The following LEKR1 variants were observed in gnomAD, a reference collection of about 807,000 sequenced individuals.
The protein encoded by LEKR1 is leucine, glutamate and lysine rich 1.
In LEKR1, 59 loss-of-function variants were observed where a neutral mutation model predicts 72.4. The ratio of observed to expected loss-of-function variants is 0.82; its 90% CI spans 0.66 to 1.01. The LOEUF is 1.01. Among genes scored for constraint, LEKR1 ranks in the 50% least tolerant of loss-of-function variants. The pLI, the probability that LEKR1 is intolerant of heterozygous loss-of-function variation, is 0.00. For missense variants in LEKR1, 728 were observed against 759.2 expected (o/e 0.96, Z 0.48); for synonymous variants, 257 against 263.2 (o/e 0.98, Z 0.23).
chr3:157,036,577 A>T (rs1327365800), intron 12 of LEKR1, among the ~76,000 whole-genome samples: 2 of 152,190 alleles, frequency 1.3e-5, no homozygotes, highest in African/African-American at 4.8e-5. Context: ...CTGTTAGAAG[A>T]TATATGACAG....
chr3:156,935,681 G>A (rs991333146), intron 5 of LEKR1, among the ~76,000 whole-genome samples: 6 of 152,128 alleles, frequency 3.9e-5, no homozygotes, highest in Non-Finnish European at 8.8e-5. Flanking sequence ...AAAGATGACC[G>A]GGAGCCTAAG....
chr3:156,972,439 C>T (rs1325466487), intron 6 of LEKR1, among the ~76,000 whole-genome samples: 1 of 152,090 alleles, frequency 6.6e-6, no homozygotes, highest in African/African-American at 2.4e-5. Context: ...CACATGTATA[C>T]ACATGTAACT....
chr3:156,904,327 C>T (rs1041304917), intron 3 of LEKR1, among the ~76,000 whole-genome samples: 1 of 151,118 alleles, frequency 6.6e-6, no homozygotes, highest in Non-Finnish European at 1.5e-5. Flanking sequence ...TAAAAGCTAT[C>T]TTATATCCCC....
intron 1 of LEKR1, chr3:156,827,145 G>A (rs1317361451): frequency 6.6e-6 from 1 of 152,202 alleles, no homozygotes; most frequent in African/African-American, 2.4e-5. Flanking sequence ...GATTTTCCCT[G>A]TTGCCAAAAG....
Position 157,015,814 on chromosome 3 carries a change from A to G in LEKR1, c.1203+4308A>G, listed in dbSNP as rs112327020. On this transcript the variant is annotated intron_variant, in intron 10 of 12. Transcript: ENST00000356539. ...AAAACAAATATGATAACTGTATTCC[A>G]TATACCCAGAAGCTAAAGAAAAAAT... Among the ~76,000 whole-genome samples, 217 of 152,256 alleles carry G rather than the reference A, an allele frequency of 1.4e-3. 1 individual carries two copies. Among genetic ancestry groups the G allele is most frequent in the African/African-American group, 5.0e-3 (209 of 41,568 alleles).
chr3:156,886,227 A>AGTG (rs1346324458), intron 3 of LEKR1, among the ~76,000 whole-genome samples: 2 of 152,048 alleles, frequency 1.3e-5, no homozygotes, highest in African/African-American at 2.4e-5. Context: ...TTGCCAGGGA[A>AGTG]GTGGGGGATA....
intron 2 of LEKR1, among the ~76,000 whole-genome samples, chr3:156,838,120 G>A (rs917421495): frequency 6.6e-6 from 1 of 152,200 alleles, no homozygotes; most frequent in African/African-American, 2.4e-5. Context: ...GTTGGCCCGT[G>A]TTGTCTTTGA....
intron 7 of LEKR1, chr3:156,979,629 C>G (rs1329343593): frequency 6.3e-6 from 1 of 158,348 alleles, no homozygotes; most frequent in Non-Finnish European, 1.4e-5. Context: ...TCTTTATTAT[C>G]TCTCCACAAG....
At chr3:156,988,956 C>T (rs1479794056) in intron 7 of LEKR1, among the ~76,000 whole-genome samples, 8 of 151,980 alleles carry the variant, frequency 5.3e-5, no homozygotes, top group East Asian at 3.9e-4. Flanking sequence ...CTCAGCCTCC[C>T]GAGTAGCTGA....
intron 3 of LEKR1, among the ~76,000 whole-genome samples, chr3:156,884,420 G>A (rs1047831580): frequency 3.9e-5 from 6 of 152,082 alleles, no homozygotes; most frequent in South Asian, 2.1e-4. Context: ...TATATTTCAC[G>A]GTTTTGTTTC....
At chr3:157,018,585 A>G (rs1733566173) in intron 10 of LEKR1, among the ~76,000 whole-genome samples, 1 of 152,108 alleles carries the variant, frequency 6.6e-6, no homozygotes, top group Non-Finnish European at 1.5e-5. Context: ...TGAGCCCACT[A>G]TGCTGTACAG....
At chr3:156,871,374 T>G (rs143260911) in intron 3 of LEKR1, among the ~76,000 whole-genome samples, 2,951 of 152,276 alleles carry the variant, frequency 0.019, 77 homozygotes, top group African/African-American at 0.065. Context: ...CATTTGGCTT[T>G]GTTCCAAGTC....
At chr3:157,013,408 T>G (rs550009478) in intron 10 of LEKR1, among the ~76,000 whole-genome samples, 1 of 152,176 alleles carries the variant, frequency 6.6e-6, no homozygotes, top group Non-Finnish European at 1.5e-5. Context: ...AACAAGTTAG[T>G]GTTAGCATCT....
intron 3 of LEKR1, among the ~76,000 whole-genome samples, chr3:156,857,393 A>G (rs554947786): frequency 1.2e-4 from 19 of 152,226 alleles, no homozygotes; most frequent in Middle Eastern, 3.4e-3. Flanking sequence ...TCCCTTAAAT[A>G]TATGTATTTC....
intron 3 of LEKR1, among the ~76,000 whole-genome samples, chr3:156,919,847 A>C (rs1724027380): frequency 6.6e-6 from 1 of 152,078 alleles, no homozygotes; most frequent in Admixed American, 6.6e-5. Context: ...TGTAAATTTT[A>C]CTTTTCATGT....
chr3:156,864,754 C>A (rs1284476520), intron 3 of LEKR1, among the ~76,000 whole-genome samples: 1 of 151,956 alleles, frequency 6.6e-6, no homozygotes, highest in African/African-American at 2.4e-5. Flanking sequence ...GTATTTTACC[C>A]CTTTTATCTA....
intron 7 of LEKR1, among the ~76,000 whole-genome samples, chr3:156,987,818 A>G (rs557596700): frequency 5.3e-5 from 8 of 152,274 alleles, no homozygotes; most frequent in African/African-American, 1.9e-4. Flanking sequence ...AGTCTAGTAA[A>G]TCATCTATTT....
chr3:156,849,592 G>T (rs1478162936), intron 2 of LEKR1, among the ~76,000 whole-genome samples: 1 of 152,142 alleles, frequency 6.6e-6, no homozygotes, highest in Non-Finnish European at 1.5e-5. Context: ...AGAGCCCTCA[G>T]AAATAATGCC....
chr3:156,840,333 C>T (rs1713744259), intron 2 of LEKR1, among the ~76,000 whole-genome samples: 1 of 152,142 alleles, frequency 6.6e-6, no homozygotes, highest in African/African-American at 2.4e-5. Context: ...AATTAACACG[C>T]AGTTCTTTAG....
Sources: gnomAD v4.1 joint callset for allele counts (sites outside exome capture counted in the v4.1 genomes callset) on GRCh38, gnomAD v4.1.1 for gene constraint, MANE v1.5 for transcripts, NCBI Gene and HGNC (gene_info 2026-07-23, HGNC 2026-07-21) for gene names.